Variants in GPC5 observed in about 807,000 individuals in gnomAD.
GPC5 encodes glypican 5.
Under a neutral mutation model 53.9 loss-of-function variants are expected in GPC5, and 47 were observed. The ratio of observed to expected loss-of-function variants is 0.87; its 90% CI spans 0.69 to 1.11. GPC5 has a LOEUF of 1.11. Among genes scored for constraint, GPC5 ranks in the 50% most tolerant of loss-of-function variants. The pLI, the probability that GPC5 is intolerant of heterozygous loss-of-function variation, is 0.00. For missense variants in GPC5, 748 were observed against 713.1 expected (o/e 1.05, Z -0.56); for synonymous variants, 286 against 263.3 (o/e 1.09, Z -0.84).
At chr13:91,608,240 T>A (rs752903379) in intron 2 of GPC5, among the ~76,000 whole-genome samples, 51 of 152,206 alleles carry the variant, frequency 3.4e-4, no homozygotes, top group Non-Finnish European at 6.6e-4. Context: ...CACTTGGTAC[T>A]GTGGATTGTT....
chr13:91,628,475 T>C lies in GPC5; in HGVS notation c.326-64712T>C, dbSNP rs539885835. 5.0e-3 allele frequency among the ~76,000 whole-genome samples: 371 copies of C among 74,914 alleles called. 2 individuals carry two copies. Among genetic ancestry groups the C allele is most frequent in the Non-Finnish European group, 5.7e-3 (199 of 34,964 alleles). The allele number at this position is 74,914 out of a possible 152,430, so 49.1% of individuals were successfully genotyped here. ...TTTAACCGTAGCTACCTATCATTTG[T>C]ATCTATCTGTCTGTCTGTCTGTCTG... On this transcript the variant is annotated intron_variant, in intron 2 of 7. Coordinates refer to ENST00000377067, the MANE Select transcript of GPC5 (RefSeq NM_004466.6).
chr13:91,948,692 A>G (rs2039998698), intron 6 of GPC5, among the ~76,000 whole-genome samples: 1 of 152,186 alleles, frequency 6.6e-6, no homozygotes, highest in South Asian at 2.1e-4. Flanking sequence ...CAACTTTATA[A>G]TTTCTCTCTG....
intron 7 of GPC5, among the ~76,000 whole-genome samples, chr13:92,862,596 T>A (rs1385344247): frequency 6.6e-6 from 1 of 151,364 alleles, no homozygotes. Context: ...AGAAATCTGG[T>A]GTCAGATATA....
At chr13:92,455,889 A>C (rs965361378) in intron 7 of GPC5, among the ~76,000 whole-genome samples, 3 of 152,160 alleles carry the variant, frequency 2.0e-5, no homozygotes, top group African/African-American at 7.2e-5. Flanking sequence ...TTATCAAAAA[A>C]CGTGTCTCTT....
At chr13:91,795,236 C>T (rs2038028047) in intron 5 of GPC5, among the ~76,000 whole-genome samples, 1 of 152,096 alleles carries the variant, frequency 6.6e-6, no homozygotes, top group South Asian at 2.1e-4. Flanking sequence ...ATTTAGGGAA[C>T]AGATTTTATT....
chr13:92,787,667 C>CAAAAAAAAAAAAAAAA lies in GPC5; in HGVS notation c.1562-78614_1562-78599dup, dbSNP rs71202562. On this transcript the variant is annotated intron_variant, in intron 7 of 7. Transcript: ENST00000377067. ...GGGCAACAGAGAGACCTCATAGCTA[C>CAAAAAAAAAAAAAAAA]AAAAAAAAAAAAAAAAGAAAAGAAA... 3.9e-3 allele frequency among the ~76,000 whole-genome samples: 220 copies of CAAAAAAAAAAAAAAAA among 56,106 alleles called. 6 individuals carry two copies. In the East Asian group the frequency reaches 0.082, roughly 21 times the overall value. 36.8% of individuals were successfully genotyped at this position (56,106 alleles called of 152,430 possible). A position where few individuals can be genotyped will look rare whatever the true frequency, so the allele number is the denominator to read the frequency against.
rs374581120 is a variant in GPC5, at chr13:91,448,747, G to C, written c.164-14G>C. 1.2e-6 allele frequency: 2 copies of C among 1,608,524 alleles called. No individual in the cohort carries two copies. The highest frequency in any genetic ancestry group is 2.7e-5 in the African/African-American group (2 of 74,474). ...TGAACAGGTAATCATTCTGAAAAATGTTGTGTGTTCCAGGACCTGATCTTC... is the reference window on the plus strand; with the variant it reads ...TGAACAGGTAATCATTCTGAAAAATCTTGTGTGTTCCAGGACCTGATCTTC... On this transcript the variant is annotated splice_polypyrimidine_tract_variant and intron_variant, in intron 1 of 7. Coordinates refer to ENST00000377067, the MANE Select transcript of GPC5 (RefSeq NM_004466.6).
At chr13:92,298,222 C>A (rs2043051556) in intron 7 of GPC5, among the ~76,000 whole-genome samples, 2 of 152,140 alleles carry the variant, frequency 1.3e-5, no homozygotes, top group African/African-American at 2.4e-5. Context: ...GGGAGCAGGG[C>A]TGAGAACTTG....
At position 92,527,183 on chromosome 13, in the gene GPC5, A is replaced by AAAG. The variant is rs1418979808; in HGVS notation, c.1562-339098_1562-339097insAGA. 3.8e-3 allele frequency among the ~76,000 whole-genome samples: 57 copies of AAAG among 14,918 alleles called. 5 individuals carry two copies. The highest frequency in any genetic ancestry group is 7.5e-3 in the East Asian group (3 of 400). The allele number at this position is 14,918 out of a possible 152,430, so 9.8% of individuals were successfully genotyped here. A position where few individuals can be genotyped will look rare whatever the true frequency, so the allele number is the denominator to read the frequency against. ...AAGAAAGAAAGAAAGAGAAAGAAAG[A>AAAG]AGAAAGAAAGAAAGAAAGAAAGAAA... On this transcript the variant is annotated intron_variant, in intron 7 of 7. Coordinates refer to ENST00000377067, the MANE Select transcript of GPC5 (RefSeq NM_004466.6).
At chr13:91,482,717 C>T (rs768163048) in intron 2 of GPC5, among the ~76,000 whole-genome samples, 14 of 152,270 alleles carry the variant, frequency 9.2e-5, no homozygotes, top group South Asian at 2.1e-4. Flanking sequence ...CCCCCTGCCA[C>T]GCTGCTTCTT....
At chr13:91,874,963 G>A (rs1184216750) in intron 5 of GPC5, among the ~76,000 whole-genome samples, 4 of 152,076 alleles carry the variant, frequency 2.6e-5, no homozygotes, top group African/African-American at 9.7e-5. Flanking sequence ...TATGATTTCT[G>A]GAGCTGGAGA....
intron 6 of GPC5, among the ~76,000 whole-genome samples, chr13:92,018,597 C>T (rs1439573474): frequency 2.0e-5 from 3 of 151,944 alleles, no homozygotes; most frequent in Non-Finnish European, 4.4e-5. Context: ...CAGTTTATGT[C>T]ATTATATATT....
intron 7 of GPC5, among the ~76,000 whole-genome samples, chr13:92,364,195 T>C (rs867546094): frequency 1.3e-4 from 20 of 151,930 alleles, no homozygotes; most frequent in Middle Eastern, 3.4e-3. Flanking sequence ...TCTGAATATA[T>C]ACTAATTTAT....
In GPC5 at chr13:92,167,289, C is replaced by G. The variant is rs147933952; in HGVS notation, c.1561+22300C>G. 8.2e-3 allele frequency among the ~76,000 whole-genome samples: 1,251 copies of G among 152,166 alleles called. 16 individuals carry two copies. Among genetic ancestry groups the G allele is most frequent in the Middle Eastern group, 0.041 (12 of 292 alleles). On this transcript the variant is annotated intron_variant, in intron 7 of 7. Coordinates refer to ENST00000377067, the MANE Select transcript of GPC5 (RefSeq NM_004466.6). ...ATATTTACAACGCTTAAGTATTCAC[C>G]ATTTTCAGGGCATTGATGTATAGTG...
chr13:91,855,195 G>A (rs1017168483), intron 5 of GPC5, among the ~76,000 whole-genome samples: 10 of 151,702 alleles, frequency 6.6e-5, no homozygotes, highest in Admixed American at 4.6e-4. Flanking sequence ...TTTACCTTCT[G>A]TACAGGTGAG....
At chr13:91,409,644 C>CTTTTG (rs1427386351) in intron 1 of GPC5, among the ~76,000 whole-genome samples, 1 of 151,984 alleles carries the variant, frequency 6.6e-6, no homozygotes. Context: ...CACATATTTT[C>CTTTTG]TTTTCTTTTC....
At chr13:91,616,223 C>A (rs776002658) in intron 2 of GPC5, among the ~76,000 whole-genome samples, 2 of 151,986 alleles carry the variant, frequency 1.3e-5, no homozygotes, top group Non-Finnish European at 2.9e-5. Context: ...GAGCTGGGCA[C>A]CCTGACAATA....
At chr13:92,641,912 G>A (rs1403682708) in intron 7 of GPC5, among the ~76,000 whole-genome samples, 1 of 151,658 alleles carries the variant, frequency 6.6e-6, no homozygotes, top group Non-Finnish European at 1.5e-5. Flanking sequence ...TTTCCTTTCT[G>A]TGCCATGACT....
At chr13:92,246,525 CTG>C (rs1464498998) in intron 7 of GPC5, among the ~76,000 whole-genome samples, 1 of 152,084 alleles carries the variant, frequency 6.6e-6, no homozygotes, top group Non-Finnish European at 1.5e-5. Flanking sequence ...ACAAACCATC[CTG>C]TCAGTAGATA....
Sources: gnomAD v4.1 joint callset for allele counts (sites outside exome capture counted in the v4.1 genomes callset) on GRCh38, gnomAD v4.1.1 for gene constraint, MANE v1.5 for transcripts, NCBI Gene and HGNC (gene_info 2026-07-23, HGNC 2026-07-21) for gene names.